Variants in PCDHA7 observed in about 807,000 individuals in gnomAD.
The protein encoded by PCDHA7 is protocadherin alpha 7, also known as protocadherin alpha-7.
PCDHA7 carries 37 observed loss-of-function variants against 57.2 expected under a neutral mutation model. The ratio of observed to expected loss-of-function variants is 0.65; its 90% confidence interval spans 0.50 to 0.85. PCDHA7 has a LOEUF of 0.85. Ranked by LOEUF, PCDHA7 falls within the 40% of genes least tolerant of loss-of-function variation. PCDHA7 has a pLI of 0.00. For missense variants in PCDHA7, 1,188 were observed against 1,241.8 expected, an observed-to-expected ratio of 0.96 and a Z score of 0.65; for synonymous variants, 553 against 558.8, an observed-to-expected ratio of 0.99 and a Z score of 0.15.
Position 140,883,458 on chromosome 5 carries a change from T to G in PCDHA7, c.2355+46720T>G, listed in dbSNP as rs1315500498. ...TTGACGCCGCATGTCCCCTTCAAGC[T>G]GGTGTCCACCTACAAGAACTACTAC... On this transcript the variant is annotated intron_variant, in intron 1 of 3. Coordinates refer to ENST00000525929, the MANE Select transcript of PCDHA7 (RefSeq NM_018910.3). 13 of 1,614,058 alleles carry G rather than the reference T, an allele frequency of 8.1e-6. No individual in the cohort carries two copies. Among genetic ancestry groups the G allele is most frequent in the Non-Finnish European group, 1.1e-5 (13 of 1,180,042 alleles).
rs2150251833 is a variant in PCDHA7, at chr5:140,836,067, G to A, written c.1684G>A (p.Ala562Thr). 18 of 1,613,552 alleles carry A rather than the reference G, an allele frequency of 1.1e-5. 1 individual carries two copies. Among genetic ancestry groups the A allele is most frequent in the Non-Finnish European group, 1.4e-5 (16 of 1,179,776 alleles). The change falls in exon 1 of 4, where the codon GCG becomes ACG. Residue 562 changes from alanine (A) to threonine (T), a missense_variant. Physicochemically the swap from Ala to Thr is moderately conservative, Grantham distance 58. Transcript: ENST00000525929. ...QVFVLDENDN[A>T]PALLAPRVGG... Reference sequence around the variant, plus strand: ...GTTCGTGCTGGACGAGAACGACAACGCGCCGGCACTGCTGGCGCCTCGGGT... The same window carrying A: ...GTTCGTGCTGGACGAGAACGACAACACGCCGGCACTGCTGGCGCCTCGGGT...
At chr5:140,876,614 C>G in intron 1 of PCDHA7, 1 of 1,614,130 alleles carries the variant, frequency 6.2e-7, no homozygotes, top group Non-Finnish European at 8.5e-7. Flanking sequence ...GACTCTGGAG[C>G]CAATGGACAG....
intron 1 of PCDHA7, among the ~76,000 whole-genome samples, chr5:140,896,094 AGC>A (rs2065382019): frequency 6.6e-6 from 1 of 152,148 alleles, no homozygotes; most frequent in Non-Finnish European, 1.5e-5. Context: ...TACAGGCGTG[AGC>A]CACTGTGCCT....
chr5:140,964,759 G>T (rs1419505922), intron 1 of PCDHA7, among the ~76,000 whole-genome samples: 6 of 151,804 alleles, frequency 4.0e-5, no homozygotes, highest in Non-Finnish European at 7.4e-5. Context: ...GATGTTTGGG[G>T]AGGATGCAGA....
intron 1 of PCDHA7, chr5:140,858,052 T>C (rs1281058907): frequency 2.5e-6 from 4 of 1,597,036 alleles, no homozygotes; most frequent in African/African-American, 1.3e-5. Flanking sequence ...TTGTGTCGCT[T>C]GTGGAGGGCA....
intron 1 of PCDHA7, chr5:140,841,822 GTTAACCTAC>G: frequency 6.2e-7 from 1 of 1,613,942 alleles, no homozygotes; most frequent in Non-Finnish European, 8.5e-7. Context: ...CTAACTCCGT[GTTAACCTAC>G]AGGCTTAGCT....
At chr5:140,990,552 C>G (rs1379026755) in intron 3 of PCDHA7, among the ~76,000 whole-genome samples, 5 of 152,130 alleles carry the variant, frequency 3.3e-5, no homozygotes, top group African/African-American at 1.2e-4. Flanking sequence ...CTGTATTACC[C>G]AAGAACACAC....
At chr5:140,852,770 T>C in intron 1 of PCDHA7, 7 of 981,816 alleles carry the variant, frequency 7.1e-6, no homozygotes, top group Non-Finnish European at 8.6e-6. Flanking sequence ...TCTGATTATT[T>C]GATGTGAATA....
At chr5:140,889,904 TTGTCATAC>T (rs1320793501) in intron 1 of PCDHA7, among the ~76,000 whole-genome samples, 4 of 152,172 alleles carry the variant, frequency 2.6e-5, no homozygotes, top group Non-Finnish European at 5.9e-5. Context: ...TACCTTGAGA[TTGTCATAC>T]TGTAAAGAAG....
intron 1 of PCDHA7, among the ~76,000 whole-genome samples, chr5:140,889,953 A>G (rs2062443064): frequency 6.6e-6 from 1 of 152,214 alleles, no homozygotes; most frequent in Non-Finnish European, 1.5e-5. Context: ...AGCCAAATGG[A>G]TAGAAAAATT....
intron 1 of PCDHA7, chr5:140,882,459 T>G (rs782544853): frequency 6.2e-7 from 1 of 1,613,996 alleles, no homozygotes; most frequent in South Asian, 1.1e-5. Context: ...CCGCGCCTGT[T>G]CCGGGTGGCG....
rs995118768 is a variant in PCDHA7 at position 140,943,957 on chromosome 5, T to G, written c.2356-34992T>G. Among the ~76,000 whole-genome samples the G allele has an allele frequency of 2.6e-5, 4 of 152,224 alleles. No individual in the cohort carries two copies. The South Asian group carries it at 8.3e-4, about 32-fold the overall frequency. On this transcript the variant is annotated intron_variant, in intron 1 of 3. Coordinates refer to ENST00000525929, the MANE Select transcript of PCDHA7 (RefSeq NM_018910.3). ...TGTGGTTATAGGAGAAGCAGTGAAT[T>G]AAAGAGTTAAAGTAATTAAGAAAAC... is the stretch of plus-strand genomic sequence containing the variant.
intron 1 of PCDHA7, among the ~76,000 whole-genome samples, chr5:140,947,996 T>G (rs185303145): frequency 1.1e-4 from 14 of 126,854 alleles, no homozygotes; most frequent in Non-Finnish European, 2.3e-4. Flanking sequence ...CCAAATACTT[T>G]ATTAAATTTA....
intron 1 of PCDHA7, among the ~76,000 whole-genome samples, chr5:140,897,367 T>C (rs1554187348): frequency 8.0e-6 from 1 of 125,642 alleles, no homozygotes; most frequent in East Asian, 2.4e-4. Flanking sequence ...CAGAGTGTGA[T>C]GTTCCCTTCC....
chr5:140,858,334 GC>G, intron 1 of PCDHA7: 1 of 1,595,814 alleles, frequency 6.3e-7, no homozygotes, highest in Admixed American at 1.7e-5. Flanking sequence ...GGGAGGGCCT[GC>G]CCAAGGCGGA....
chr5:140,848,615 A>G, intron 1 of PCDHA7: 1 of 1,593,618 alleles, frequency 6.3e-7, no homozygotes, highest in East Asian at 2.2e-5. Flanking sequence ...AGGAAGCCGA[A>G]CACGGCACCT....
At chr5:140,856,761 C>T (rs377564040) in intron 1 of PCDHA7, 2 of 1,596,598 alleles carry the variant, frequency 1.3e-6, no homozygotes, top group Non-Finnish European at 1.7e-6. Context: ...AATGATAACG[C>T]CCCTATCTTT....
At position 140,892,541 on chromosome 5, in the gene PCDHA7, T is replaced by C. The variant is rs192378744; in HGVS notation, c.2355+55803T>C. Among the ~76,000 whole-genome samples, 471 of 152,362 alleles carry C rather than the reference T, an allele frequency of 3.1e-3. 2 individuals are homozygous for C. Among genetic ancestry groups the C allele is most frequent in the African/African-American group, 0.011 (438 of 41,580 alleles). On this transcript the variant is annotated intron_variant, in intron 1 of 3. Coordinates refer to ENST00000525929, the MANE Select transcript of PCDHA7 (RefSeq NM_018910.3). ...CTGGTAGACTCAGGATTCTGACTTTTGTTTCTCTAGTCCTTGGAGACTGTC... is the reference window on the plus strand; with the variant it reads ...CTGGTAGACTCAGGATTCTGACTTTCGTTTCTCTAGTCCTTGGAGACTGTC...
At chr5:140,838,268 C>T (rs1775630088) in intron 1 of PCDHA7, among the ~76,000 whole-genome samples, 2 of 138,020 alleles carry the variant, frequency 1.4e-5, no homozygotes, top group Admixed American at 7.6e-5. Context: ...CGCCAACAAC[C>T]AAGCCATGCT....
Sources: gnomAD v4.1 joint callset for allele counts (sites outside exome capture counted in the v4.1 genomes callset) on GRCh38, gnomAD v4.1.1 for gene constraint, MANE v1.5 for transcripts, NCBI Gene and HGNC (gene_info 2026-07-23, HGNC 2026-07-21) for gene names.